Variants in DIAPH3 observed in about 807,000 individuals in gnomAD.
DIAPH3 encodes the protein diaphanous related formin 3, also known as protein diaphanous homolog 3.
Under a neutral mutation model 144.3 loss-of-function variants are expected in DIAPH3, and 117 were observed. The observed-to-expected ratio is 0.81, with a 90% CI of 0.70 to 0.95. DIAPH3 has a LOEUF of 0.95. Among genes scored for constraint, DIAPH3 ranks in the 40% least tolerant of loss-of-function variants. DIAPH3 has a pLI of 0.00. For missense variants in DIAPH3, 1,421 were observed against 1,412.7 expected (o/e 1.01, Z -0.09); for synonymous variants, 519 against 488.9 (o/e 1.06, Z -0.81).
At chr13:60,008,793 G>T (rs1382935352) in intron 8 of DIAPH3, 144 bp from the exon 9 acceptor site, 9 of 674,150 alleles carry the variant, frequency 1.3e-5, no homozygotes, top group Non-Finnish European at 2.4e-5. Context: ...CATGTATCAA[G>T]CACAGTTCTA....
Position 60,112,046 on chromosome 13 carries a change from TGACAGTG to T in DIAPH3, c.347_353del (p.Pro116GlnfsTer6). On this transcript the variant is annotated frameshift_variant, in exon 3 of 28. Transcript: ENST00000400324. LOFTEE classifies it high-confidence loss of function. ...CAAAAAGTTCTAAGAGTTCATTCTC[TGACAGTG>T]GCTTTGGAAAGTTCTCCATCATCTC... 6.2e-7 allele frequency: 1 copy of T among 1,614,120 alleles called. No individual in the cohort carries two copies. Among genetic ancestry groups the T allele is most frequent in the Non-Finnish European group, 8.5e-7 (1 of 1,179,968 alleles).
intron 27 of DIAPH3, among the ~76,000 whole-genome samples, chr13:59,670,777 G>T (rs978822683): frequency 2.0e-5 from 3 of 152,014 alleles, no homozygotes; most frequent in Admixed American, 6.6e-5. Flanking sequence ...TAAAGACGGG[G>T]TTTCACTGTG....
chr13:59,942,379 T>C (rs532542926), intron 17 of DIAPH3, among the ~76,000 whole-genome samples: 1 of 152,274 alleles, frequency 6.6e-6, no homozygotes, highest in Non-Finnish European at 1.5e-5. Context: ...TTTAGATTCA[T>C]TTATATTGAC....
chr13:59,949,045 G>A (rs2048958650), intron 17 of DIAPH3, among the ~76,000 whole-genome samples: 1 of 152,076 alleles, frequency 6.6e-6, no homozygotes, highest in South Asian at 2.1e-4. Context: ...GCTAGAGAAG[G>A]GGTAAAGAAA....
At chr13:60,062,275 A>T (rs2056803134) in intron 4 of DIAPH3, among the ~76,000 whole-genome samples, 1 of 152,190 alleles carries the variant, frequency 6.6e-6, no homozygotes, top group African/African-American at 2.4e-5. Flanking sequence ...CAAGATACTT[A>T]CATCCATTTA....
intron 4 of DIAPH3, among the ~76,000 whole-genome samples, chr13:60,089,647 A>C (rs2057865382): frequency 6.6e-6 from 1 of 152,178 alleles, no homozygotes; most frequent in Admixed American, 6.5e-5. Context: ...ACTGCATCAC[A>C]GTCTTACCTT....
chr13:59,713,436 C>T (rs914732416), intron 27 of DIAPH3, among the ~76,000 whole-genome samples: 4 of 152,054 alleles, frequency 2.6e-5, no homozygotes, highest in Non-Finnish European at 5.9e-5. Context: ...ATTAAAAGAA[C>T]TAAAATTTAG....
chr13:59,682,480 C>A (rs929342916), intron 27 of DIAPH3, among the ~76,000 whole-genome samples: 1 of 152,146 alleles, frequency 6.6e-6, no homozygotes, highest in Non-Finnish European at 1.5e-5. Flanking sequence ...AGCCTCCATG[C>A]CTGGCTTCAA....
At chr13:59,830,633 C>T (rs1414838867) in intron 24 of DIAPH3, among the ~76,000 whole-genome samples, 1 of 151,640 alleles carries the variant, frequency 6.6e-6, no homozygotes, top group Non-Finnish European at 1.5e-5. Flanking sequence ...CATGAAATGC[C>T]AAGTTACCCA....
chr13:60,014,758 T>C (rs1045718303), intron 7 of DIAPH3, among the ~76,000 whole-genome samples: 1 of 151,726 alleles, frequency 6.6e-6, no homozygotes, highest in Admixed American at 6.6e-5. Context: ...AGGTAAAATT[T>C]CCCCCCCTGC....
intron 17 of DIAPH3, among the ~76,000 whole-genome samples, chr13:59,936,579 T>C (rs1429271821): frequency 1.3e-5 from 2 of 152,186 alleles, no homozygotes; most frequent in African/African-American, 4.8e-5. Flanking sequence ...TAGTGTTAAC[T>C]GGGTTCATTA....
chr13:60,132,196 T>A (rs2059161217), intron 2 of DIAPH3, among the ~76,000 whole-genome samples: 1 of 152,202 alleles, frequency 6.6e-6, no homozygotes, highest in South Asian at 2.1e-4. Context: ...CCCAGGTGCA[T>A]AAGACAGTAC....
At position 59,879,210 on chromosome 13, in the gene DIAPH3, T is replaced by C; in HGVS notation, c.2607+19A>G. On this transcript the variant is annotated intron_variant, in intron 21 of 27. Coordinates refer to ENST00000400324, the MANE Select transcript of DIAPH3 (RefSeq NM_001042517.2). ...GCAAGTGTTCAGGCAAATATGTGTT[T>C]TTAAAAAAACAAACTCACTTTACAG... is the stretch of plus-strand genomic sequence containing the variant. 1.2e-6 allele frequency: 2 copies of C among 1,613,510 alleles called. No individual in the cohort carries two copies. Among genetic ancestry groups the C allele is most frequent in the Non-Finnish European group, 1.7e-6 (2 of 1,179,602 alleles).
At chr13:60,124,259 C>T (rs560705364) in intron 2 of DIAPH3, among the ~76,000 whole-genome samples, 3 of 152,158 alleles carry the variant, frequency 2.0e-5, no homozygotes, top group Non-Finnish European at 4.4e-5. Context: ...TGCAGTGGCT[C>T]TATGACCCCA....
intron 1 of DIAPH3, among the ~76,000 whole-genome samples, chr13:60,149,376 T>C (rs1412493937): frequency 6.6e-6 from 1 of 152,220 alleles, no homozygotes. Context: ...TAATCATTCC[T>C]AAGATCTTAA....
Position 60,112,200 on chromosome 13 carries a change from C to T in DIAPH3, c.214-14G>A. 6.2e-7 allele frequency: 1 copy of T among 1,613,528 alleles called. No individual in the cohort carries two copies. Among genetic ancestry groups the T allele is most frequent in the Non-Finnish European group, 8.5e-7 (1 of 1,179,894 alleles). On this transcript the variant is annotated splice_polypyrimidine_tract_variant and intron_variant, in intron 2 of 27. Transcript: ENST00000400324. ...AAATTTGTCCAGCTACAAAGAAAGACAGAATGACACACGTGTAAGTATTTC... is the reference window on the plus strand; with the variant it reads ...AAATTTGTCCAGCTACAAAGAAAGATAGAATGACACACGTGTAAGTATTTC...
At chr13:60,115,348 T>C (rs2058675621) in intron 2 of DIAPH3, among the ~76,000 whole-genome samples, 2 of 152,192 alleles carry the variant, frequency 1.3e-5, no homozygotes, top group Admixed American at 6.5e-5. Flanking sequence ...GGTATTGCAC[T>C]AAACACGATG....
At chr13:59,730,220 G>A (rs2035829477) in intron 27 of DIAPH3, among the ~76,000 whole-genome samples, 1 of 152,208 alleles carries the variant, frequency 6.6e-6, no homozygotes, top group Non-Finnish European at 1.5e-5. Flanking sequence ...GGCTTCTTCA[G>A]ATAGGACACA....
rs1208064128 is a variant in DIAPH3, at chr13:59,839,367, G to A, written c.2819C>T (p.Pro940Leu). 3 of 1,613,684 alleles carry A rather than the reference G, an allele frequency of 1.9e-6. No homozygotes were observed. The highest frequency in any genetic ancestry group is 2.5e-6 in the Non-Finnish European group (3 of 1,179,790). ...QQLEKELETF[P>L]PPEDLHDKFV... Reference sequence around the variant, plus strand: ...CTTGTCATGCAAGTCCTCAGGAGGGGGAAAGGTTTCCAATTCCTTCTCAAG... The same window carrying A: ...CTTGTCATGCAAGTCCTCAGGAGGGAGAAAGGTTTCCAATTCCTTCTCAAG... Residue 940 changes from proline to leucine, a missense_variant, in exon 23 of 28, where the codon CCC becomes CTC. Physicochemically the swap from Pro to Leu is moderately conservative, Grantham distance 98. Transcript: ENST00000400324.
Sources: allele counts gnomAD v4.1 joint callset (sites outside exome capture counted in the v4.1 genomes callset), GRCh38; gene constraint gnomAD v4.1.1; transcripts MANE v1.5; gene names NCBI Gene and HGNC (gene_info 2026-07-23, HGNC 2026-07-21).